The following RFX4 variants were observed in gnomAD, a reference collection of about 807,000 sequenced individuals.
RFX4 encodes the protein regulatory factor X4, also known as transcription factor RFX4.
A neutral mutation model predicts 95.0 loss-of-function variants in RFX4; 10 were observed. The observed-to-expected ratio is 0.11, with a 90% confidence interval of 0.06 to 0.18. RFX4 has a LOEUF of 0.18. Ranked by LOEUF, RFX4 falls within the 10% of genes least tolerant of loss-of-function variation. The probability of loss-of-function intolerance (pLI) is 1.00; values close to 1 mark genes in which losing one functional copy is unlikely to be tolerated. For missense variants in RFX4, 640 were observed against 922.0 expected (o/e 0.69, Z 3.96); for synonymous variants, 321 against 340.7 (o/e 0.94, Z 0.64).
chr12:106,648,154 G>T (rs1592893933), intron 3 of RFX4, among the ~76,000 whole-genome samples: 2 of 152,348 alleles, frequency 1.3e-5, no homozygotes, highest in Non-Finnish European at 2.9e-5. Context: ...AAAGGATGAA[G>T]AAGTGGTTAG....
At chr12:106,588,212 A>G (rs550078217) in intron 1 of RFX4, among the ~76,000 whole-genome samples, 34 of 152,334 alleles carry the variant, frequency 2.2e-4, no homozygotes, top group Non-Finnish European at 4.7e-4. Context: ...TTTAAGAGTC[A>G]ATAACCATGA....
Position 106,761,616 on chromosome 12 carries a change from G to A in RFX4, c.*147G>A. The A allele has an allele frequency of 2.1e-6, 1 of 466,094 alleles. No homozygotes were observed. Among genetic ancestry groups the A allele is most frequent in the Non-Finnish European group, 3.1e-6 (1 of 318,910 alleles). The allele number at this position is 466,094 out of a possible 1,614,324, so 28.9% of individuals were successfully genotyped here. A position where few individuals can be genotyped will look rare whatever the true frequency, so the allele number is the denominator to read the frequency against. ...TGCCCATTTTCCTAATGAACATGAGGATGGGATCAATGTGGGATGAATAAA... is the reference window on the plus strand; with the variant it reads ...TGCCCATTTTCCTAATGAACATGAGAATGGGATCAATGTGGGATGAATAAA... On this transcript the variant is annotated 3_prime_UTR_variant, in exon 18 of 18. Coordinates refer to ENST00000392842, the MANE Select transcript of RFX4 (RefSeq NM_213594.3).
At chr12:106,595,946 A>G (rs1267031171) in intron 1 of RFX4, among the ~76,000 whole-genome samples, 1 of 152,190 alleles carries the variant, frequency 6.6e-6, no homozygotes, top group Non-Finnish European at 1.5e-5. Flanking sequence ...TGTGAGGATT[A>G]AATAAAGTAA....
intron 1 of RFX4, among the ~76,000 whole-genome samples, chr12:106,607,904 A>G (rs1488113740): frequency 1.3e-5 from 2 of 152,168 alleles, no homozygotes; most frequent in Non-Finnish European, 2.9e-5. Flanking sequence ...TAAAAGGGCT[A>G]CATAGTGGCT....
chr12:106,732,065 CCAGA>C, intron 13 of RFX4, 61 bp from the exon 14 acceptor site: 2 of 1,588,274 alleles, frequency 1.3e-6, no homozygotes, highest in Non-Finnish European at 1.7e-6. Context: ...GTGCAGTTGA[CCAGA>C]CAGAGGGGGC....
intron 2 of RFX4, among the ~76,000 whole-genome samples, chr12:106,609,487 C>T (rs1356982296): frequency 4.6e-5 from 7 of 152,144 alleles, no homozygotes; most frequent in Admixed American, 4.6e-4. Context: ...TATTATAAGT[C>T]TAATTTTTTG....
chr12:106,615,879 T>C (rs1277158583), intron 2 of RFX4, among the ~76,000 whole-genome samples: 1 of 152,228 alleles, frequency 6.6e-6, no homozygotes, highest in East Asian at 1.9e-4. Flanking sequence ...TTTTGAACAT[T>C]CTATGAACAT....
intron 5 of RFX4, chr12:106,683,480 A>AAG: frequency 6.7e-6 from 1 of 148,430 alleles, no homozygotes; most frequent in East Asian, 1.9e-4. Flanking sequence ...AAAAAAAAAA[A>AAG]AAAAAAAAAA....
At chr12:106,622,911 C>T (rs376789900) in intron 2 of RFX4, among the ~76,000 whole-genome samples, 5 of 151,172 alleles carry the variant, frequency 3.3e-5, no homozygotes, top group East Asian at 2.0e-4. Context: ...TGAGCCACTG[C>T]ACCCTGCCCA....
chr12:106,747,712 G>A lies in RFX4; in HGVS notation c.1796+113G>A, dbSNP rs980136905. 5.4e-5 allele frequency: 65 copies of A among 1,195,330 alleles called. 1 individual carries two copies. In the African/African-American group the frequency reaches 9.6e-4, roughly 18 times the overall value. The allele number at this position is 1,195,330 out of a possible 1,614,324, so 74.0% of individuals were successfully genotyped here. On this transcript the variant is annotated intron_variant, in intron 16 of 17. Coordinates refer to ENST00000392842, the MANE Select transcript of RFX4 (RefSeq NM_213594.3). ...ACTTTGGGAGGCCAAGGTGGGCCTT[G>A]AAGTCAGGAGTTCGAGACCAGCCTG...
At chr12:106,701,378 T>C (rs2137466600) in intron 8 of RFX4, among the ~76,000 whole-genome samples, 1 of 152,332 alleles carries the variant, frequency 6.6e-6, no homozygotes, top group East Asian at 1.9e-4. Flanking sequence ...TCAATCCTAC[T>C]TGGGGTTTTC....
intron 13 of RFX4, 109 bp from the exon 14 acceptor site, chr12:106,732,021 T>C (rs2042621729): frequency 6.7e-7 from 1 of 1,484,434 alleles, no homozygotes; most frequent in Non-Finnish European, 9.1e-7. Flanking sequence ...AAAATTAGAC[T>C]CTTGAGCAGA....
At chr12:106,659,571 A>C (rs1045637008) in intron 4 of RFX4, among the ~76,000 whole-genome samples, 8 of 152,208 alleles carry the variant, frequency 5.3e-5, no homozygotes, top group Non-Finnish European at 1.0e-4. Context: ...TCATACGATT[A>C]AAGAGCAAAC....
At chr12:106,603,728 A>G (rs1164176889) in intron 1 of RFX4, among the ~76,000 whole-genome samples, 6 of 152,256 alleles carry the variant, frequency 3.9e-5, no homozygotes, top group Non-Finnish European at 7.3e-5. Flanking sequence ...CCCAGAACTC[A>G]GTACCAGTAT....
chr12:106,705,793 G>A (rs1485168813), intron 8 of RFX4, among the ~76,000 whole-genome samples: 2 of 152,150 alleles, frequency 1.3e-5, no homozygotes, highest in East Asian at 3.9e-4. Context: ...TTGTCCATCT[G>A]GGGATGGAGA....
At chr12:106,722,156 CAT>C (rs2042408434) in intron 13 of RFX4, among the ~76,000 whole-genome samples, 1 of 152,248 alleles carries the variant, frequency 6.6e-6, no homozygotes, top group Admixed American at 6.5e-5. Flanking sequence ...AGTGTTAGCA[CAT>C]GTTACCTCTA....
intron 17 of RFX4, among the ~76,000 whole-genome samples, chr12:106,753,442 T>C (rs2043048490): frequency 6.6e-6 from 1 of 152,130 alleles, no homozygotes; most frequent in East Asian, 1.9e-4. Context: ...CTCAGTAGCA[T>C]TTCTCACACC....
At chr12:106,627,588 G>A (rs1165326062) in intron 2 of RFX4, among the ~76,000 whole-genome samples, 2 of 152,078 alleles carry the variant, frequency 1.3e-5, no homozygotes, top group African/African-American at 2.4e-5. Flanking sequence ...TCAAGGCTAC[G>A]TAAATGGAAG....
chr12:106,587,065 A>G (rs1269515098), intron 1 of RFX4, among the ~76,000 whole-genome samples: 1 of 152,208 alleles, frequency 6.6e-6, no homozygotes, highest in Non-Finnish European at 1.5e-5. Flanking sequence ...AGCGGGGTCA[A>G]GTGAGAGCCG....
Sources: allele counts gnomAD v4.1 joint callset (sites outside exome capture counted in the v4.1 genomes callset), GRCh38; gene constraint gnomAD v4.1.1; transcripts MANE v1.5; gene names NCBI Gene and HGNC (gene_info 2026-07-23, HGNC 2026-07-21).